The following BCL2L13 variants were observed in gnomAD, a reference collection of about 807,000 sequenced individuals.
The protein encoded by BCL2L13 is bcl-2-like protein 13.
Under a neutral mutation model 25.8 loss-of-function variants are expected in BCL2L13, and 13 were observed. That is an observed-to-expected ratio of 0.50 (90% confidence interval 0.33 to 0.80). The LOEUF (loss-of-function observed/expected upper bound fraction) is 0.80. Among genes scored for constraint, BCL2L13 ranks in the 30% least tolerant of loss-of-function variants. The pLI is 0.02. For synonymous variants in BCL2L13, 244 were observed against 230.3 expected (o/e 1.06, Z -0.54); for missense variants, 504 against 574.9 (o/e 0.88, Z 1.26).
At chr22:17,691,519 G>A (rs994846816) in intron 4 of BCL2L13, among the ~76,000 whole-genome samples, 1 of 152,134 alleles carries the variant, frequency 6.6e-6, no homozygotes, top group Non-Finnish European at 1.5e-5. Flanking sequence ...GGTGGTGGGT[G>A]CCTGTAGTCC....
chr22:17,653,744 TC>T (rs1471000263), intron 1 of BCL2L13, among the ~76,000 whole-genome samples: 2 of 152,022 alleles, frequency 1.3e-5, no homozygotes, highest in Admixed American at 1.3e-4. Flanking sequence ...TGTCAAGTGA[TC>T]CTCCTCCCTT....
chr22:17,690,697 AG>A (rs1453490536), intron 4 of BCL2L13, among the ~76,000 whole-genome samples: 1 of 152,160 alleles, frequency 6.6e-6, no homozygotes, highest in African/African-American at 2.4e-5. Flanking sequence ...CAATAGTTTG[AG>A]GCTGCAGTAA....
In BCL2L13 at chr22:17,672,796, T is replaced by G. The variant is rs531390612; in HGVS notation, c.122-10418T>G. Among the ~76,000 whole-genome samples, 5 of 152,270 alleles carry G rather than the reference T, an allele frequency of 3.3e-5. No individual in the cohort carries two copies. In the South Asian group the frequency reaches 1.0e-3, roughly 32 times the overall value. On this transcript the variant is annotated intron_variant, in intron 2 of 6. Transcript: ENST00000317582. The stretch of plus-strand genomic sequence containing the variant: ...AATCAGCTGCTTTTCTTTAATCTGG[T>G]GGGGTGAGGCATATGGTAACCATGA...
intron 2 of BCL2L13, among the ~76,000 whole-genome samples, chr22:17,677,422 T>G (rs1288984629): frequency 2.0e-5 from 3 of 152,156 alleles, no homozygotes. Flanking sequence ...TTGGGATTCT[T>G]TAATTTGGTT....
intron 5 of BCL2L13, among the ~76,000 whole-genome samples, chr22:17,699,655 A>G (rs931189847): frequency 1.3e-5 from 2 of 152,136 alleles, no homozygotes; most frequent in African/African-American, 4.8e-5. Flanking sequence ...AGATAAAACT[A>G]TTTGCTGACT....
At chr22:17,651,232 T>C (rs2058673993) in intron 1 of BCL2L13, among the ~76,000 whole-genome samples, 1 of 151,704 alleles carries the variant, frequency 6.6e-6, no homozygotes, top group Non-Finnish European at 1.5e-5. Flanking sequence ...ACTCCTGACC[T>C]CGTGATCTAC....
rs118025751 is a variant in BCL2L13, at chr22:17,688,252, C to T, written c.230-734C>T. Among the ~76,000 whole-genome samples, 118 of 152,332 alleles carry T rather than the reference C, an allele frequency of 7.7e-4. No homozygotes were observed. In the East Asian group the frequency reaches 0.021, roughly 27 times the overall value. The stretch of plus-strand genomic sequence containing the variant: ...GATTACAGGCATGAGTCACTGTGCT[C>T]GGCTTCTGGTTCAACTTTTATACTT... On this transcript the variant is annotated intron_variant, in intron 3 of 6. Transcript: ENST00000317582.
At chr22:17,643,510 T>TA (rs1285155319) in intron 1 of BCL2L13, among the ~76,000 whole-genome samples, 1 of 152,204 alleles carries the variant, frequency 6.6e-6, no homozygotes, top group Non-Finnish European at 1.5e-5. Context: ...GACTCCATGT[T>TA]AACTTGTGGA....
At position 17,699,717 on chromosome 22, in the gene BCL2L13, G is replaced by C. The variant is rs560095728; in HGVS notation, c.457-2526G>C. 1.8e-3 allele frequency among the ~76,000 whole-genome samples: 270 copies of C among 152,138 alleles called. 1 individual carries two copies. Among genetic ancestry groups the C allele is most frequent in the Non-Finnish European group, 3.1e-3 (213 of 67,994 alleles). On this transcript the variant is annotated intron_variant, in intron 5 of 6. Coordinates refer to ENST00000317582, the MANE Select transcript of BCL2L13 (RefSeq NM_015367.4). ...GGTTCTTCTAGGAGTGGATGCCTGGGGATCTAGTTTTGTTTTAACATTTAA... is the reference window on the plus strand; with the variant it reads ...GGTTCTTCTAGGAGTGGATGCCTGGCGATCTAGTTTTGTTTTAACATTTAA...
chr22:17,677,686 A>G (rs1484980315), intron 2 of BCL2L13, among the ~76,000 whole-genome samples: 6 of 152,170 alleles, frequency 3.9e-5, no homozygotes, highest in African/African-American at 1.4e-4. Context: ...ATCCTGGCCA[A>G]CATGGTGAAA....
At chr22:17,726,240 AC>A (rs2061293355) in intron 6 of BCL2L13, among the ~76,000 whole-genome samples, 1 of 151,976 alleles carries the variant, frequency 6.6e-6, no homozygotes, top group African/African-American at 2.4e-5. Context: ...AATTGCAGCT[AC>A]TGGGAAGGCC....
chr22:17,706,240 C>G (rs1016233074), intron 6 of BCL2L13, among the ~76,000 whole-genome samples: 1 of 152,060 alleles, frequency 6.6e-6, no homozygotes, highest in African/African-American at 2.4e-5. Context: ...AAACTCCTGG[C>G]CTCAAGCAAT....
intron 6 of BCL2L13, among the ~76,000 whole-genome samples, chr22:17,706,311 G>T (rs1315214590): frequency 3.3e-5 from 5 of 150,114 alleles, no homozygotes; most frequent in Admixed American, 1.3e-4. Flanking sequence ...TGCCCAGCCT[G>T]TTTTCTCTTT....
At chr22:17,648,670 C>T (rs943213838) in intron 1 of BCL2L13, among the ~76,000 whole-genome samples, 1 of 151,612 alleles carries the variant, frequency 6.6e-6, no homozygotes, top group African/African-American at 2.4e-5. Flanking sequence ...AAATATAATC[C>T]TTCACCAAAT....
intron 6 of BCL2L13, among the ~76,000 whole-genome samples, chr22:17,704,583 C>T (rs1478290000): frequency 6.6e-6 from 1 of 151,824 alleles, no homozygotes; most frequent in Non-Finnish European, 1.5e-5. Flanking sequence ...TGAGACCATC[C>T]TGGCCAACAT....
intron 1 of BCL2L13, among the ~76,000 whole-genome samples, chr22:17,629,961 G>A (rs189154020): frequency 2.6e-5 from 4 of 152,192 alleles, no homozygotes; most frequent in Admixed American, 1.3e-4. Flanking sequence ...TCTCACGCCT[G>A]TAATCCCACC....
chr22:17,668,938 TC>T (rs1206635410), intron 2 of BCL2L13, among the ~76,000 whole-genome samples: 1 of 152,146 alleles, frequency 6.6e-6, no homozygotes, highest in African/African-American at 2.4e-5. Flanking sequence ...GAGCACGTTG[TC>T]CTTGTCTTAG....
intron 6 of BCL2L13, among the ~76,000 whole-genome samples, chr22:17,706,422 C>T (rs1012407999): frequency 6.6e-6 from 1 of 151,794 alleles, no homozygotes; most frequent in Non-Finnish European, 1.5e-5. Context: ...TGCCCCAGCT[C>T]TGCCAAATAC....
chr22:17,717,076 G>T (rs2060966411), intron 6 of BCL2L13, among the ~76,000 whole-genome samples: 1 of 152,172 alleles, frequency 6.6e-6, no homozygotes, highest in African/African-American at 2.4e-5. Context: ...CTGCATATAT[G>T]ATGATACTTT....
Sources: gnomAD v4.1 joint callset for allele counts (sites outside exome capture counted in the v4.1 genomes callset) on GRCh38, gnomAD v4.1.1 for gene constraint, MANE v1.5 for transcripts, NCBI Gene and HGNC (gene_info 2026-07-23, HGNC 2026-07-21) for gene names.